The following KCNN3 variants were observed in gnomAD, a reference collection of about 807,000 sequenced individuals.
The protein encoded by KCNN3 is small conductance calcium-activated potassium channel protein 3.
Under a neutral mutation model 62.9 loss-of-function variants are expected in KCNN3, and 16 were observed. The ratio of observed to expected loss-of-function variants is 0.25; its 90% CI spans 0.17 to 0.39. The LOEUF (loss-of-function observed/expected upper bound fraction) is 0.39. Among genes scored for constraint, KCNN3 ranks in the 10% least tolerant of loss-of-function variants. KCNN3 has a pLI of 1.00. For missense variants in KCNN3, 599 were observed against 949.4 expected (o/e 0.63, Z 4.85); for synonymous variants, 370 against 389.2 (o/e 0.95, Z 0.58).
chr1:154,747,661 C>A (rs974009254), intron 3 of KCNN3, among the ~76,000 whole-genome samples: 1 of 152,166 alleles, frequency 6.6e-6, no homozygotes, highest in South Asian at 2.1e-4. Flanking sequence ...CAGAAGTCGG[C>A]TGTCTGAATA....
chr1:154,868,963 T>G, intron 1 of KCNN3, 69 bp downstream of exon 1: 3 of 1,329,516 alleles, frequency 2.3e-6, no homozygotes, highest in Non-Finnish European at 3.2e-6. Flanking sequence ...AATCCCCCTC[T>G]CTCAATCCCT....
At chr1:154,777,285 T>G (rs1571265044) in intron 2 of KCNN3, among the ~76,000 whole-genome samples, 1 of 152,050 alleles carries the variant, frequency 6.6e-6, no homozygotes, top group African/African-American at 2.4e-5. Flanking sequence ...ACAGGAACCG[T>G]GCCTGGCTCA....
At chr1:154,781,401 T>C (rs1015196067) in intron 2 of KCNN3, among the ~76,000 whole-genome samples, 1 of 152,212 alleles carries the variant, frequency 6.6e-6, no homozygotes, top group Non-Finnish European at 1.5e-5. Flanking sequence ...ATTTGTGGTT[T>C]TCCATTTTCT....
intron 2 of KCNN3, among the ~76,000 whole-genome samples, chr1:154,790,646 G>T (rs899492965): frequency 3.3e-5 from 5 of 152,168 alleles, no homozygotes; most frequent in Non-Finnish European, 7.3e-5. Context: ...ACTAGCCCAG[G>T]AAAAGATCAA....
intron 3 of KCNN3, among the ~76,000 whole-genome samples, chr1:154,751,476 C>T (rs1647378415): frequency 6.6e-6 from 1 of 152,210 alleles, no homozygotes; most frequent in Non-Finnish European, 1.5e-5. Flanking sequence ...TCCAGGCTGG[C>T]CATGCCTCAG....
At chr1:154,734,625 A>C (rs1168838484) in intron 3 of KCNN3, among the ~76,000 whole-genome samples, 1 of 152,018 alleles carries the variant, frequency 6.6e-6, no homozygotes, top group African/African-American at 2.4e-5. Flanking sequence ...GTGTAGATGC[A>C]TCTAGAGATG....
intron 1 of KCNN3, among the ~76,000 whole-genome samples, chr1:154,844,315 A>T (rs1277112481): frequency 6.6e-6 from 1 of 152,236 alleles, no homozygotes; most frequent in Admixed American, 6.5e-5. Flanking sequence ...CTAGAGAGAG[A>T]TTTTCTGTCC....
rs1239405234 is a variant in KCNN3, at chr1:154,862,241, T to C, written c.933+6791A>G. Among the ~76,000 whole-genome samples the C allele has an allele frequency of 1.3e-5, 2 of 152,142 alleles. No homozygotes were observed. The highest frequency in any genetic ancestry group is 4.8e-5 in the African/African-American group (2 of 41,422). On this transcript the variant is annotated intron_variant, in intron 1 of 7. Transcript: ENST00000271915. This position sits in a 1 kb window ranked among gnomAD's most constrained non-coding sequence, Gnocchi z 4.1. ...TGAGGCACTCAACCCTGGGAACCCC[T>C]GTGCAGCCGAGTTTTCTCATCCCTG...
intron 1 of KCNN3, among the ~76,000 whole-genome samples, chr1:154,863,219 A>G (rs1488076113): frequency 6.6e-6 from 1 of 151,896 alleles, no homozygotes; most frequent in African/African-American, 2.4e-5. Flanking sequence ...TGGGGGTGGA[A>G]TGACAGGGTC....
intron 2 of KCNN3, among the ~76,000 whole-genome samples, chr1:154,790,675 C>T (rs1418601218): frequency 2.0e-5 from 3 of 152,194 alleles, no homozygotes; most frequent in African/African-American, 7.2e-5. Context: ...ATTCAAAGTA[C>T]AGTTCCTGCT....
chr1:154,723,565 A>G (rs961070740), intron 5 of KCNN3, among the ~76,000 whole-genome samples: 1 of 152,194 alleles, frequency 6.6e-6, no homozygotes, highest in African/African-American at 2.4e-5. Flanking sequence ...CTGGCATACA[A>G]AGGAGCTGGC....
At chr1:154,715,585 TTCTC>T (rs931894506) in intron 5 of KCNN3, among the ~76,000 whole-genome samples, 2 of 151,988 alleles carry the variant, frequency 1.3e-5, no homozygotes, top group African/African-American at 2.4e-5. Flanking sequence ...TTTTCTTTCT[TTCTC>T]TCTTTCTTTC....
At chr1:154,767,701 C>T (rs779699585) in intron 3 of KCNN3, among the ~76,000 whole-genome samples, 1 of 152,284 alleles carries the variant, frequency 6.6e-6, no homozygotes, top group East Asian at 1.9e-4. Context: ...CCAGGAGAAT[C>T]CCAGAGAATG....
intron 1 of KCNN3, among the ~76,000 whole-genome samples, chr1:154,851,428 C>T (rs757112216): frequency 1.1e-4 from 16 of 152,264 alleles, no homozygotes; most frequent in Admixed American, 2.6e-4. Flanking sequence ...AGGTGCTACA[C>T]GCATTATATG....
chr1:154,793,650 T>C (rs1017645928), intron 2 of KCNN3, among the ~76,000 whole-genome samples: 26 of 152,210 alleles, frequency 1.7e-4, no homozygotes, highest in African/African-American at 6.3e-4. Flanking sequence ...TGCTGGGGAC[T>C]GTTACCCAAC....
At chr1:154,815,220 G>A (rs994552859) in intron 2 of KCNN3, among the ~76,000 whole-genome samples, 3 of 152,208 alleles carry the variant, frequency 2.0e-5, no homozygotes, top group African/African-American at 7.2e-5. Context: ...GACACCCTTA[G>A]GAAACCTCTA....
At chr1:154,711,620 TC>T (rs1700076704) in intron 7 of KCNN3, among the ~76,000 whole-genome samples, 1 of 151,996 alleles carries the variant, frequency 6.6e-6, no homozygotes, top group Non-Finnish European at 1.5e-5. Flanking sequence ...GGAAGAAACA[TC>T]CTGGGGCAGT....
At chr1:154,807,864 C>T (rs1042262724) in intron 2 of KCNN3, among the ~76,000 whole-genome samples, 4 of 152,044 alleles carry the variant, frequency 2.6e-5, no homozygotes, top group African/African-American at 9.7e-5. Context: ...ATTCCTCTGA[C>T]TCTTAAACAA....
At chr1:154,866,276 T>G (rs1652954143) in intron 1 of KCNN3, among the ~76,000 whole-genome samples, 3 of 152,198 alleles carry the variant, frequency 2.0e-5, no homozygotes, top group Non-Finnish European at 2.9e-5. Flanking sequence ...ACAGCCAGAG[T>G]TAGATAACAG....
Sources: allele counts gnomAD v4.1 joint callset (sites outside exome capture counted in the v4.1 genomes callset), GRCh38; gene constraint gnomAD v4.1.1; non-coding constraint Gnocchi (gnomAD v3.1); transcripts MANE v1.5; gene names NCBI Gene and HGNC (gene_info 2026-07-23, HGNC 2026-07-21).